FBXL17: variants seen among roughly 807,000 people sequenced by gnomAD.
FBXL17 encodes the protein F-box/LRR-repeat protein 17.
FBXL17 carries 22 observed loss-of-function variants against 66.2 expected under a neutral mutation model. The observed-to-expected ratio is 0.33, with a 90% confidence interval of 0.24 to 0.47. FBXL17 has a LOEUF of 0.47. Ranked by LOEUF, FBXL17 falls within the 20% of genes least tolerant of loss-of-function variation. The pLI is 1.00. For missense variants in FBXL17, 878 were observed against 948.2 expected, an observed-to-expected ratio of 0.93 and a Z score of 0.97; for synonymous variants, 474 against 400.5, an observed-to-expected ratio of 1.18 and a Z score of -2.19.
At chr5:108,197,587 C>T (rs1361462772) in intron 5 of FBXL17, among the ~76,000 whole-genome samples, 4 of 152,130 alleles carry the variant, frequency 2.6e-5, no homozygotes, top group African/African-American at 7.2e-5. Context: ...CGAAAGCTTA[C>T]CATATCCAAG....
intron 7 of FBXL17, among the ~76,000 whole-genome samples, chr5:107,957,458 C>A (rs993635414): frequency 1.3e-5 from 2 of 152,018 alleles, no homozygotes; most frequent in African/African-American, 4.8e-5. Context: ...AGCTTTAATT[C>A]TTATTTAGAA....
chr5:108,072,327 A>T (rs1284312452), intron 6 of FBXL17, among the ~76,000 whole-genome samples: 3 of 152,256 alleles, frequency 2.0e-5, no homozygotes, highest in African/African-American at 7.2e-5. Context: ...AATATTGTAA[A>T]AATGAAATAG....
At chr5:108,073,118 G>C (rs1248089972) in intron 6 of FBXL17, among the ~76,000 whole-genome samples, 1 of 152,064 alleles carries the variant, frequency 6.6e-6, no homozygotes, top group Non-Finnish European at 1.5e-5. Flanking sequence ...AAAAGGCACA[G>C]TAAAGAGGAC....
Position 108,072,129 on chromosome 5 carries a change from C to G in FBXL17, c.1746-51128G>C, listed in dbSNP as rs139991138. 2.6e-5 allele frequency among the ~76,000 whole-genome samples: 4 copies of G among 152,110 alleles called. No individual in the cohort carries two copies. The East Asian group carries it at 7.7e-4, about 29-fold the overall frequency. ...ATGATTTCCAAATGCATTCTGAGCA[C>G]TGATCTTTGCTCTTATGTTTATGCC... On this transcript the variant is annotated intron_variant, in intron 6 of 8. Transcript: ENST00000542267.
intron 4 of FBXL17, among the ~76,000 whole-genome samples, chr5:108,256,016 T>G (rs1756562559): frequency 6.6e-6 from 1 of 151,978 alleles, no homozygotes; most frequent in Admixed American, 6.6e-5. Flanking sequence ...AAGACCAAGA[T>G]CAGTGGAAAT....
At chr5:108,373,727 G>A (rs1749221778) in intron 1 of FBXL17, among the ~76,000 whole-genome samples, 1 of 151,940 alleles carries the variant, frequency 6.6e-6, no homozygotes, top group Non-Finnish European at 1.5e-5. Flanking sequence ...ACCAGCCTGG[G>A]CAACATGGCA....
chr5:108,266,061 C>T (rs977816703), intron 4 of FBXL17, among the ~76,000 whole-genome samples: 2 of 151,892 alleles, frequency 1.3e-5, no homozygotes, highest in Middle Eastern at 3.2e-3. Flanking sequence ...CTATAATATA[C>T]GAGTAAGTGT....
intron 6 of FBXL17, among the ~76,000 whole-genome samples, chr5:108,063,847 C>T (rs1306307202): frequency 1.3e-5 from 2 of 151,824 alleles, no homozygotes; most frequent in African/African-American, 2.4e-5. Flanking sequence ...AAAAAAACAA[C>T]AGTGATTTAA....
intron 7 of FBXL17, among the ~76,000 whole-genome samples, chr5:107,892,204 T>C (rs772985208): frequency 6.6e-5 from 10 of 152,172 alleles, no homozygotes; most frequent in Admixed American, 6.5e-4. Context: ...CATCATAAAA[T>C]TGAAAAATCA....
intron 4 of FBXL17, among the ~76,000 whole-genome samples, chr5:108,342,688 C>T (rs1033589310): frequency 6.6e-6 from 1 of 152,160 alleles, no homozygotes; most frequent in Admixed American, 6.5e-5. Flanking sequence ...CTGTTGTTAA[C>T]TTCTTTATGC....
intron 4 of FBXL17, among the ~76,000 whole-genome samples, chr5:108,321,554 A>C (rs1340155199): frequency 6.6e-6 from 1 of 151,890 alleles, no homozygotes; most frequent in Non-Finnish European, 1.5e-5. Flanking sequence ...AACATGCTCC[A>C]ATGTCCCTGG....
At chr5:108,152,384 G>A (rs1751806650) in intron 6 of FBXL17, among the ~76,000 whole-genome samples, 1 of 152,094 alleles carries the variant, frequency 6.6e-6, no homozygotes, top group Admixed American at 6.5e-5. Context: ...GGGCATTGTG[G>A]ATCTTTCTAT....
At chr5:107,923,967 A>G (rs1750409047) in intron 7 of FBXL17, among the ~76,000 whole-genome samples, 1 of 151,866 alleles carries the variant, frequency 6.6e-6, no homozygotes. Flanking sequence ...AACTGGATGA[A>G]GTGATGGCAA....
chr5:107,999,556 C>G (rs182437181), intron 7 of FBXL17, among the ~76,000 whole-genome samples: 86 of 151,446 alleles, frequency 5.7e-4, no homozygotes, highest in Middle Eastern at 3.4e-3. Context: ...CCTCCACATT[C>G]CCAAAGCCCC....
At chr5:108,210,178 T>C (rs1391966769) in intron 5 of FBXL17, among the ~76,000 whole-genome samples, 1 of 152,200 alleles carries the variant, frequency 6.6e-6, no homozygotes, top group East Asian at 1.9e-4. Context: ...CATTTTTTAT[T>C]GCATCTATTT....
chr5:108,311,694 T>C (rs1368069485), intron 4 of FBXL17, among the ~76,000 whole-genome samples: 1 of 151,754 alleles, frequency 6.6e-6, no homozygotes, highest in Non-Finnish European at 1.5e-5. Flanking sequence ...ATGGAGAATC[T>C]AAAAAAAAGA....
chr5:108,242,349 T>TTTGTTGTTGTTGTTGTTGTTG (rs70996988), intron 4 of FBXL17, among the ~76,000 whole-genome samples: 1 of 146,810 alleles, frequency 6.8e-6, no homozygotes, highest in Non-Finnish European at 1.5e-5. Context: ...GCCTGGCTAG[T>TTTGTTGTTGTTGTTGTTGTTG]TTGTTGTTGT....
chr5:108,063,658 T>C (rs1656072998), intron 6 of FBXL17, among the ~76,000 whole-genome samples: 1 of 152,122 alleles, frequency 6.6e-6, no homozygotes, highest in Non-Finnish European at 1.5e-5. Flanking sequence ...TATACATTCA[T>C]TAAAATGAGT....
chr5:108,223,260 T>C (rs1754951209), intron 5 of FBXL17, among the ~76,000 whole-genome samples: 1 of 152,154 alleles, frequency 6.6e-6, no homozygotes, highest in East Asian at 1.9e-4. Context: ...CAAAGAGATC[T>C]GAAGACATCA....
Sources: gnomAD v4.1 joint callset for allele counts (sites outside exome capture counted in the v4.1 genomes callset) on GRCh38, gnomAD v4.1.1 for gene constraint, MANE v1.5 for transcripts, NCBI Gene and HGNC (gene_info 2026-07-23, HGNC 2026-07-21) for gene names.